IGSF5: variants seen among roughly 807,000 people sequenced by gnomAD.
IGSF5 encodes immunoglobulin superfamily member 5.
A neutral mutation model predicts 39.4 loss-of-function variants in IGSF5; 41 were observed. The ratio of observed to expected loss-of-function variants is 1.04; its 90% confidence interval spans 0.81 to 1.35. The LOEUF (loss-of-function observed/expected upper bound fraction) is 1.35. Ranked by LOEUF, IGSF5 falls within the 40% of genes most tolerant of loss-of-function variation. The pLI is 0.00. For synonymous variants in IGSF5, 183 were observed against 175.3 expected, an observed-to-expected ratio of 1.04 and a Z score of -0.34; for missense variants, 487 against 494.6, an observed-to-expected ratio of 0.98 and a Z score of 0.15.
chr21:39,792,060 G>C lies in IGSF5; in HGVS notation c.1009G>C (p.Glu337Gln). 1.2e-6 allele frequency: 2 copies of C among 1,611,386 alleles called. No individual in the cohort carries two copies. Among genetic ancestry groups the C allele is most frequent in the Non-Finnish European group, 1.7e-6 (2 of 1,178,698 alleles). Residue 337 changes from glutamate to glutamine, a missense_variant, in exon 7 of 9, where the codon GAA (glutamate) becomes CAA (glutamine). Physicochemically the swap from Glu to Gln is conservative, Grantham distance 29. Coordinates refer to ENST00000380588, the MANE Select transcript of IGSF5 (RefSeq NM_001080444.2). ...AGAAACTGAGACAGAAAGTGGAAAT[G>C]AAAACTCCGGCTACAATTCAGATGA... ...NKETETESGN[E>Q]NSGYNSDEQK...
At chr21:39,788,086 G>C (rs753647124) in intron 5 of IGSF5, 81 bp from the exon 6 acceptor site, 11 of 1,030,734 alleles carry the variant, frequency 1.1e-5, no homozygotes, top group Admixed American at 8.7e-5. Flanking sequence ...TTAAAATAAG[G>C]GAGTGTATAA....
intron 2 of IGSF5, among the ~76,000 whole-genome samples, chr21:39,753,748 T>G (rs1229280295): frequency 6.6e-6 from 1 of 152,164 alleles, no homozygotes; most frequent in African/African-American, 2.4e-5. Flanking sequence ...TGTCTTTTTT[T>G]TTTTAACTGT....
At chr21:39,781,259 T>C (rs150052418) in intron 5 of IGSF5, among the ~76,000 whole-genome samples, 4 of 152,328 alleles carry the variant, frequency 2.6e-5, no homozygotes, top group African/African-American at 9.6e-5. Flanking sequence ...TTACTTTTTT[T>C]CCCTTACAGT....
chr21:39,793,471 T>C, intron 7 of IGSF5, 63 bp from the exon 8 acceptor site: 1 of 1,234,442 alleles, frequency 8.1e-7, no homozygotes. Flanking sequence ...TAAATCAGAA[T>C]TGTTAGAGCA....
the IGSF5 span, among the ~76,000 whole-genome samples, chr21:39,722,318 C>T: frequency 2.9e-4 from 44 of 152,268 alleles, no homozygotes; most frequent in African/African-American, 7.2e-4. Context: ...TGTCACCAAT[C>T]GTCGGGTTTT....
chr21:39,713,554 A>T, the IGSF5 span, among the ~76,000 whole-genome samples: 1 of 152,102 alleles, frequency 6.6e-6, no homozygotes, highest in Non-Finnish European at 1.5e-5. Flanking sequence ...GCCGGGCTGT[A>T]TGGGCCCAAC....
chr21:39,785,535 T>C (rs1261320100), intron 5 of IGSF5, among the ~76,000 whole-genome samples: 1 of 152,164 alleles, frequency 6.6e-6, no homozygotes, highest in Non-Finnish European at 1.5e-5. Context: ...GATTTGGCGA[T>C]GTGGGCTCTT....
chr21:39,786,502 T>C (rs2086920955), intron 5 of IGSF5, among the ~76,000 whole-genome samples: 1 of 147,072 alleles, frequency 6.8e-6, no homozygotes, highest in South Asian at 2.3e-4. Context: ...ACTTTTACAC[T>C]GTTGGTGGGA....
intron 2 of IGSF5, among the ~76,000 whole-genome samples, chr21:39,747,180 A>G (rs2079979567): frequency 6.6e-6 from 1 of 152,234 alleles, no homozygotes; most frequent in African/African-American, 2.4e-5. Flanking sequence ...AGGCCTCACA[A>G]TCATGGCCGA....
rs1408607414 is a variant in IGSF5 at position 39,745,306 on chromosome 21, A to G, written c.-204A>G. ...ACCTAAATTAGGAGGGACGCCAGGG[A>G]TAAGACTCCCTGGGCTATAGCCTAG... On this transcript the variant is annotated 5_prime_UTR_variant, in exon 1 of 9. Coordinates refer to ENST00000380588, the MANE Select transcript of IGSF5 (RefSeq NM_001080444.2). 2.1e-6 allele frequency: 1 copy of G among 476,976 alleles called. No individual in the cohort carries two copies. The highest frequency in any genetic ancestry group is 2.0e-5 in the African/African-American group (1 of 50,418). 29.5% of individuals were successfully genotyped at this position (476,976 alleles called of 1,614,324 possible).
chr21:39,742,366 A>T (rs1435634050), upstream of IGSF5, among the ~76,000 whole-genome samples: 1 of 152,202 alleles, frequency 6.6e-6, no homozygotes, highest in Non-Finnish European at 1.5e-5. Flanking sequence ...ATAGTGACAG[A>T]TCTGGAGGAC....
At chr21:39,759,489 C>T (rs1014310592) in intron 2 of IGSF5, among the ~76,000 whole-genome samples, 6 of 152,062 alleles carry the variant, frequency 3.9e-5, no homozygotes, top group African/African-American at 9.7e-5. Flanking sequence ...CTATTTCAGC[C>T]GTGGTTACAA....
In IGSF5 at chr21:39,770,962, G is replaced by C; in HGVS notation, c.465G>C (p.Glu155Asp). ...CCAGTGTTAATCTTGTAGTCGCTGA[G>C]AATGAACCTTGTGAAGTTACTTGTC... ...FIPSVNLVVA[E>D]NEPCEVTCLP... is the part of the protein sequence containing the mutation. The change falls in exon 4 of 9, where the codon GAG (glutamate) becomes GAC (aspartate). Residue 155 changes from glutamate to aspartate, a missense_variant. Physicochemically the swap from Glu to Asp is conservative, Grantham distance 45. Transcript: ENST00000380588. The C allele has an allele frequency of 6.2e-7, 1 of 1,608,046 alleles. No homozygotes were observed. The highest frequency in any genetic ancestry group is 8.5e-7 in the Non-Finnish European group (1 of 1,176,906).
intron 2 of IGSF5, among the ~76,000 whole-genome samples, chr21:39,758,325 C>A (rs184389095): frequency 6.6e-6 from 1 of 152,290 alleles, no homozygotes; most frequent in Non-Finnish European, 1.5e-5. Flanking sequence ...CCAGAACGGT[C>A]CTTCAGGTGC....
the IGSF5 span, among the ~76,000 whole-genome samples, chr21:39,713,180 G>A: frequency 1.3e-5 from 2 of 152,240 alleles, no homozygotes; most frequent in African/African-American, 4.8e-5. Context: ...TTAACTGAAG[G>A]GAAAGCACTG....
intron 2 of IGSF5, among the ~76,000 whole-genome samples, chr21:39,760,200 C>T (rs2080054174): frequency 6.6e-6 from 1 of 152,140 alleles, no homozygotes; most frequent in Non-Finnish European, 1.5e-5. Context: ...TTATATAGAA[C>T]TCAGCCACCA....
chr21:39,777,747 G>A (rs1477185597), intron 4 of IGSF5, among the ~76,000 whole-genome samples: 1 of 152,192 alleles, frequency 6.6e-6, no homozygotes, highest in Non-Finnish European at 1.5e-5. Context: ...ACCTGGTTCA[G>A]CTGCAGCTGA....
chr21:39,793,697 G>C (rs2086978709), intron 8 of IGSF5, 84 bp downstream of exon 8: 6 of 1,098,648 alleles, frequency 5.5e-6, no homozygotes, highest in African/African-American at 1.6e-5. Context: ...ATAAAATGGT[G>C]CGCGTTGTGT....
At chr21:39,799,692 A>C (rs1045038100) in intron 8 of IGSF5, among the ~76,000 whole-genome samples, 5 of 152,234 alleles carry the variant, frequency 3.3e-5, no homozygotes, top group African/African-American at 1.2e-4. Flanking sequence ...CGGTGGTGCC[A>C]TGATGAATGC....
Sources: gnomAD v4.1 joint callset for allele counts (sites outside exome capture counted in the v4.1 genomes callset) on GRCh38, gnomAD v4.1.1 for gene constraint, MANE v1.5 for transcripts, NCBI Gene and HGNC (gene_info 2026-07-23, HGNC 2026-07-21) for gene names.